MACROD2: variants seen among roughly 807,000 people sequenced by gnomAD.
The protein encoded by MACROD2 is ADP-ribose glycohydrolase MACROD2.
In MACROD2, 36 loss-of-function variants were observed where a neutral mutation model predicts 70.4. The observed-to-expected ratio is 0.51, with a 90% CI of 0.39 to 0.68. The LOEUF is 0.68. Ranked by LOEUF, MACROD2 falls within the 30% of genes least tolerant of loss-of-function variation. The pLI is 0.00. For synonymous variants in MACROD2, 172 were observed against 178.8 expected, an observed-to-expected ratio of 0.96 and a Z score of 0.30; for missense variants, 496 against 538.4, an observed-to-expected ratio of 0.92 and a Z score of 0.78.
chr20:14,580,441 GAA>G (rs11467360), intron 4 of MACROD2, among the ~76,000 whole-genome samples: 101,149 of 151,534 alleles, frequency 0.67, 34,667 homozygotes, highest in East Asian at 0.93. Flanking sequence ...CCCGTTGCCT[GAA>G]AAAAAAAAAA....
chr20:15,312,506 A>G (rs2077763968), intron 6 of MACROD2, among the ~76,000 whole-genome samples: 1 of 152,160 alleles, frequency 6.6e-6, no homozygotes, highest in South Asian at 2.1e-4. Flanking sequence ...GTTTAGTACT[A>G]TGTATGCTTT....
rs569297454 is a variant in MACROD2 at position 14,534,695 on chromosome 20, C to T, written c.301+41187C>T. Among the ~76,000 whole-genome samples, 5 of 151,786 alleles carry T rather than the reference C, an allele frequency of 3.3e-5. No individual in the cohort carries two copies. In the South Asian group the frequency reaches 8.3e-4, roughly 25 times the overall value. Reference sequence around the variant, plus strand: ...AAATAATTTCTTCATTTTCAAGGGGCTTAACATTAATTGATGGGGAGTAGG... The same window carrying T: ...AAATAATTTCTTCATTTTCAAGGGGTTTAACATTAATTGATGGGGAGTAGG... On this transcript the variant is annotated intron_variant, in intron 4 of 17. Coordinates refer to ENST00000684519, the MANE Select transcript of MACROD2 (RefSeq NM_001351661.2).
chr20:14,443,299 C>CCT (rs747721961), intron 3 of MACROD2, among the ~76,000 whole-genome samples: 1 of 136,126 alleles, frequency 7.3e-6, no homozygotes, highest in Non-Finnish European at 1.6e-5. Flanking sequence ...ATTACCTATG[C>CCT]TTTTTTTTTT....
At chr20:15,331,671 C>T (rs1345843115) in intron 6 of MACROD2, among the ~76,000 whole-genome samples, 3 of 151,672 alleles carry the variant, frequency 2.0e-5, no homozygotes, top group African/African-American at 7.3e-5. Context: ...CCCAACCAGA[C>T]TTTCTTCTCT....
intron 3 of MACROD2, among the ~76,000 whole-genome samples, chr20:14,310,754 G>A (rs542369785): frequency 6.6e-6 from 1 of 152,258 alleles, no homozygotes; most frequent in East Asian, 1.9e-4. Context: ...GGATGTGGAG[G>A]TGGAAGAAAA....
intron 3 of MACROD2, among the ~76,000 whole-genome samples, chr20:14,274,318 C>T (rs1350017904): frequency 6.6e-6 from 1 of 152,168 alleles, no homozygotes; most frequent in Admixed American, 6.5e-5. Context: ...GGCTTCATCC[C>T]TGGGATGCAA....
chr20:14,507,486 A>C (rs1159135119), intron 4 of MACROD2, among the ~76,000 whole-genome samples: 1 of 152,186 alleles, frequency 6.6e-6, no homozygotes, highest in Non-Finnish European at 1.5e-5. Context: ...CTTTAATGTT[A>C]CTGACCTGTA....
At chr20:14,131,221 G>C (rs1411554897) in intron 3 of MACROD2, among the ~76,000 whole-genome samples, 2 of 152,136 alleles carry the variant, frequency 1.3e-5, no homozygotes, top group Non-Finnish European at 2.9e-5. Context: ...TTGAGCAGGG[G>C]ATAAAGAGTT....
chr20:14,604,871 C>A (rs990863414), intron 4 of MACROD2, among the ~76,000 whole-genome samples: 7 of 152,150 alleles, frequency 4.6e-5, no homozygotes, highest in African/African-American at 1.7e-4. Context: ...TAAGAAGATA[C>A]CTTCAAGGGG....
intron 5 of MACROD2, among the ~76,000 whole-genome samples, chr20:15,218,473 C>G (rs1354081079): frequency 6.6e-6 from 1 of 152,130 alleles, no homozygotes; most frequent in Admixed American, 6.6e-5. Flanking sequence ...GGAAGTAAAA[C>G]TACTGTCATG....
At chr20:14,365,568 G>GT (rs2083264354) in intron 3 of MACROD2, among the ~76,000 whole-genome samples, 1 of 151,774 alleles carries the variant, frequency 6.6e-6, no homozygotes, top group Admixed American at 6.6e-5. Flanking sequence ...CCAATTTCTT[G>GT]TTTCGTTAAC....
At chr20:14,312,610 T>C (rs1422672434) in intron 3 of MACROD2, among the ~76,000 whole-genome samples, 1 of 152,132 alleles carries the variant, frequency 6.6e-6, no homozygotes, top group African/African-American at 2.4e-5. Context: ...GACTTGAACC[T>C]GAGAAATCAG....
intron 6 of MACROD2, among the ~76,000 whole-genome samples, chr20:15,341,810 G>A (rs6043222): frequency 6.6e-6 from 1 of 152,226 alleles, no homozygotes. Context: ...CAGCTATTAA[G>A]GAAGCCAAGG....
intron 5 of MACROD2, among the ~76,000 whole-genome samples, chr20:15,125,984 C>A (rs1331775328): frequency 1.8e-5 from 2 of 114,188 alleles, no homozygotes. Flanking sequence ...TTTCAAGATT[C>A]ATCTATGTTG....
chr20:15,570,140 A>G (rs2048358341), intron 8 of MACROD2, among the ~76,000 whole-genome samples: 1 of 152,166 alleles, frequency 6.6e-6, no homozygotes. Flanking sequence ...GGCTGTATTA[A>G]TGTACATTTC....
chr20:15,427,975 A>G (rs555615270), intron 6 of MACROD2, among the ~76,000 whole-genome samples: 24 of 152,316 alleles, frequency 1.6e-4, no homozygotes, highest in African/African-American at 4.3e-4. Flanking sequence ...TAAACTTACC[A>G]CAATGCACAT....
chr20:14,535,027 C>T (rs1255070177), intron 4 of MACROD2, among the ~76,000 whole-genome samples: 1 of 152,102 alleles, frequency 6.6e-6, no homozygotes, highest in East Asian at 1.9e-4. Flanking sequence ...ATGATCCAAG[C>T]ATAAAAAACG....
chr20:15,814,150 C>T (rs2063848795), intron 8 of MACROD2, among the ~76,000 whole-genome samples: 1 of 152,132 alleles, frequency 6.6e-6, no homozygotes. Flanking sequence ...AACATCACTG[C>T]AGGAGATGTT....
chr20:15,725,951 T>A (rs929725509), intron 8 of MACROD2, among the ~76,000 whole-genome samples: 6 of 152,142 alleles, frequency 3.9e-5, no homozygotes, highest in African/African-American at 1.4e-4. Flanking sequence ...TAAACCTTTA[T>A]ATAGGTAAAT....
Sources: gnomAD v4.1 joint callset for allele counts (sites outside exome capture counted in the v4.1 genomes callset) on GRCh38, gnomAD v4.1.1 for gene constraint, MANE v1.5 for transcripts, NCBI Gene and HGNC (gene_info 2026-07-23, HGNC 2026-07-21) for gene names.